CDH3: variants seen among roughly 807,000 people sequenced by gnomAD.
CDH3 encodes cadherin-3.
In CDH3, 54 loss-of-function variants were observed where a neutral mutation model predicts 82.0. The observed-to-expected ratio is 0.66, with a 90% CI of 0.53 to 0.83. CDH3 has a LOEUF of 0.83. Among genes scored for constraint, CDH3 ranks in the 40% least tolerant of loss-of-function variants. The pLI is 0.00. For missense variants in CDH3, 1,054 were observed against 1,084.6 expected (o/e 0.97, Z 0.40); for synonymous variants, 446 against 437.9 (o/e 1.02, Z -0.23).
At chr16:68,661,683 T>C (rs1960584468) in intron 2 of CDH3, among the ~76,000 whole-genome samples, 2 of 152,202 alleles carry the variant, frequency 1.3e-5, no homozygotes, top group South Asian at 4.1e-4. Flanking sequence ...AAATAATCAC[T>C]AGTAACTTTT....
At chr16:68,684,447 G>C (rs1961340297) in intron 9 of CDH3, 136 bp from the exon 10 acceptor site, 2 of 987,042 alleles carry the variant, frequency 2.0e-6, no homozygotes, top group South Asian at 2.6e-5. Context: ...TTATGTTACA[G>C]AGAAAGGGCA....
intron 2 of CDH3, among the ~76,000 whole-genome samples, chr16:68,660,036 T>C (rs1193316284): frequency 6.6e-6 from 1 of 152,202 alleles, no homozygotes; most frequent in Non-Finnish European, 1.5e-5. Context: ...CTTTTATCTT[T>C]TACAGATGTG....
At chr16:68,649,635 A>AG (rs1202523838) in intron 2 of CDH3, among the ~76,000 whole-genome samples, 7 of 151,880 alleles carry the variant, frequency 4.6e-5, no homozygotes, top group East Asian at 2.0e-4. Flanking sequence ...CCCCTGGGTA[A>AG]GGGGGGTCCC....
chr16:68,650,316 T>C (rs1960201505), intron 2 of CDH3, among the ~76,000 whole-genome samples: 1 of 152,138 alleles, frequency 6.6e-6, no homozygotes, highest in African/African-American at 2.4e-5. Context: ...TATTTTTTCT[T>C]TTTTTGAGAC....
At position 68,695,387 on chromosome 16, in the gene CDH3, T is replaced by TG; in HGVS notation, c.2133+6dup. ...GAGGGGGGTGGCGAAGAGGACCAGG[T>TG]GGGGCACTGGGGGCTCTGGGATTGG... On this transcript the variant is annotated splice_region_variant and intron_variant, in intron 14 of 15. Coordinates refer to ENST00000264012, the MANE Select transcript of CDH3 (RefSeq NM_001793.6). The TG allele has an allele frequency of 1.2e-6, 2 of 1,606,050 alleles. No individual in the cohort carries two copies. The highest frequency in any genetic ancestry group is 1.7e-6 in the Non-Finnish European group (2 of 1,176,394).
intron 2 of CDH3, among the ~76,000 whole-genome samples, chr16:68,675,718 C>G (rs1961012473): frequency 6.6e-6 from 1 of 151,196 alleles, no homozygotes; most frequent in South Asian, 2.1e-4. Flanking sequence ...CACTTGAACC[C>G]AGGAGGTGGA....
chr16:68,664,026 T>G (rs893745403), intron 2 of CDH3, among the ~76,000 whole-genome samples: 2 of 143,938 alleles, frequency 1.4e-5, no homozygotes, highest in African/African-American at 5.1e-5. Flanking sequence ...ATTATTCCCA[T>G]TTCATAGCTG....
intron 2 of CDH3, among the ~76,000 whole-genome samples, chr16:68,669,817 G>T (rs940474558): frequency 6.6e-6 from 1 of 152,064 alleles, no homozygotes; most frequent in East Asian, 1.9e-4. Context: ...GAAGAGGGCT[G>T]TTTTAGGATT....
At chr16:68,656,505 T>C (rs1033690625) in intron 2 of CDH3, among the ~76,000 whole-genome samples, 3 of 151,770 alleles carry the variant, frequency 2.0e-5, no homozygotes, top group African/African-American at 7.3e-5. Flanking sequence ...ATGTACTTTA[T>C]GTAATAAGCC....
At chr16:68,686,713 A>G (rs1274388329) in intron 11 of CDH3, 8 of 744,938 alleles carry the variant, frequency 1.1e-5, no homozygotes, top group African/African-American at 3.4e-5. Flanking sequence ...AATGGCATCA[A>G]CGTGAAGCTG....
chr16:68,656,780 C>A (rs1266917860), intron 2 of CDH3, among the ~76,000 whole-genome samples: 1 of 152,196 alleles, frequency 6.6e-6, no homozygotes, highest in African/African-American at 2.4e-5. Context: ...GACCCAAGGG[C>A]TTTGAATTCC....
chr16:68,705,221 C>T (rs569756119), downstream of CDH3, among the ~76,000 whole-genome samples: 5 of 152,238 alleles, frequency 3.3e-5, no homozygotes, highest in African/African-American at 4.8e-5. Context: ...GCAGGCAGGC[C>T]GTAGAAGGTG....
chr16:68,649,671 G>A (rs774942557), intron 2 of CDH3, among the ~76,000 whole-genome samples: 2 of 152,180 alleles, frequency 1.3e-5, no homozygotes, highest in Non-Finnish European at 2.9e-5. Context: ...GGGGCGTGTG[G>A]CCAGGGGAGA....
At chr16:68,690,338 G>A (rs1049322657) in intron 12 of CDH3, among the ~76,000 whole-genome samples, 6 of 152,170 alleles carry the variant, frequency 3.9e-5, no homozygotes, top group Admixed American at 6.5e-5. Context: ...AATTGAATGC[G>A]GCCTGGCATT....
At chr16:68,700,621 C>G (rs557397452), downstream of CDH3, among the ~76,000 whole-genome samples, 1 of 152,318 alleles carries the variant, frequency 6.6e-6, no homozygotes, top group African/African-American at 2.4e-5. Context: ...CTGGCCTGAT[C>G]CGCCCGCCTC....
chr16:68,691,922 G>C lies in CDH3; in HGVS notation c.1998G>C (p.Leu666=), dbSNP rs1961591751. ...ILPVLGAVLA[L]LFLLLVLLLL... is the part of the protein sequence containing the mutation. The stretch of plus-strand genomic sequence containing the variant: ...CTGTGCTGGGGGCTGTCCTGGCTCT[G>C]CTGTGTGAGTACCAGGCCCCCACCC... Residue 666 remains leucine, a synonymous_variant, in exon 13 of 16, where the codon CTG becomes CTC. Coordinates refer to ENST00000264012, the MANE Select transcript of CDH3 (RefSeq NM_001793.6). 5.6e-6 allele frequency: 9 copies of C among 1,611,490 alleles called. No individual in the cohort carries two copies. The East Asian group carries it at 2.0e-4, about 36-fold the overall frequency.
chr16:68,678,522 G>A lies in CDH3; in HGVS notation c.412G>A (p.Asp138Asn), dbSNP rs1961101064. ...CCAGCTCAAGTCTAATAAAGATAGA[G>A]ACACCAAGATTTTCTACAGCATCAC... ...LNQLKSNKDRDTKIFYSITGP... is the reference protein window; with the variant it reads ...LNQLKSNKDRNTKIFYSITGP... The change falls in exon 5 of 16, where the codon GAC becomes AAC. Residue 138 changes from aspartate to asparagine, a missense_variant. Asp to Asn is a conservative substitution (Grantham distance 23). Coordinates refer to ENST00000264012, the MANE Select transcript of CDH3 (RefSeq NM_001793.6). The A allele has an allele frequency of 1.2e-6, 2 of 1,614,122 alleles. No homozygotes were observed. Among genetic ancestry groups the A allele is most frequent in the Non-Finnish European group, 1.7e-6 (2 of 1,180,060 alleles).
chr16:68,685,199 C>T lies in CDH3; in HGVS notation c.1425-6C>T, dbSNP rs1961370613. ...GGATGTACTCGTCTCAACTTTTCCT[C>T]TCCAGCTACCGCATCCTGAGAGACC... On this transcript the variant is annotated splice_region_variant and splice_polypyrimidine_tract_variant and intron_variant, in intron 10 of 15. Coordinates refer to ENST00000264012, the MANE Select transcript of CDH3 (RefSeq NM_001793.6). The T allele has an allele frequency of 6.2e-7, 1 of 1,614,068 alleles. No homozygotes were observed. The highest frequency in any genetic ancestry group is 8.5e-7 in the Non-Finnish European group (1 of 1,180,012).
In CDH3 at chr16:68,669,986, T is replaced by G. The variant is rs146861674; in HGVS notation, c.161-6399T>G. Among the ~76,000 whole-genome samples the G allele has an allele frequency of 3.6e-4, 54 of 151,940 alleles. 1 individual carries two copies. The East Asian group carries it at 8.2e-3, about 23-fold the overall frequency. ...ATAAAAGTGACCTTTAGTCACTCAC[T>G]TTGGGAGGCCAAGGTGGGTGGATCA... On this transcript the variant is annotated intron_variant, in intron 2 of 15. Coordinates refer to ENST00000264012, the MANE Select transcript of CDH3 (RefSeq NM_001793.6).
Sources: allele counts gnomAD v4.1 joint callset (sites outside exome capture counted in the v4.1 genomes callset), GRCh38; gene constraint gnomAD v4.1.1; transcripts MANE v1.5; gene names NCBI Gene and HGNC (gene_info 2026-07-23, HGNC 2026-07-21).